The following LRRC49 variants were observed in gnomAD, a reference collection of about 807,000 sequenced individuals.
LRRC49 encodes the protein leucine rich repeat containing 49.
In LRRC49, 50 loss-of-function variants were observed where a neutral mutation model predicts 83.3. The observed-to-expected ratio is 0.60, with a 90% CI of 0.48 to 0.76. The LOEUF (loss-of-function observed/expected upper bound fraction) is 0.76, where lower values mean the gene tolerates loss of function less well. Among genes scored for constraint, LRRC49 ranks in the 30% least tolerant of loss-of-function variants. The probability of loss-of-function intolerance (pLI) is 0.00; values close to 1 mark genes in which losing one functional copy is unlikely to be tolerated. For synonymous variants in LRRC49, 286 were observed against 283.3 expected, an observed-to-expected ratio of 1.01 and a Z score of -0.10; for missense variants, 704 against 809.1, an observed-to-expected ratio of 0.87 and a Z score of 1.58.
At chr15:71,036,271 G>A (rs1418927008) in intron 14 of LRRC49, among the ~76,000 whole-genome samples, 4 of 151,782 alleles carry the variant, frequency 2.6e-5, no homozygotes, top group Non-Finnish European at 4.4e-5. Flanking sequence ...TAGCAAAAAT[G>A]TTCTCCCATT....
chr15:70,998,920 CCTAT>C (rs1187242370), intron 11 of LRRC49, among the ~76,000 whole-genome samples: 2 of 152,154 alleles, frequency 1.3e-5, no homozygotes, highest in Admixed American at 1.3e-4. Flanking sequence ...ATTTAATTGA[CCTAT>C]CTAAGTTTAC....
rs979486982 is a variant in LRRC49, at chr15:70,867,426, C to T, written c.-298-5482C>T. Among the ~76,000 whole-genome samples, 19 of 151,890 alleles carry T rather than the reference C, an allele frequency of 1.3e-4. 1 individual carries two copies. Among genetic ancestry groups the T allele is most frequent in the Admixed American group, 3.9e-4 (6 of 15,268 alleles). On this transcript the variant is annotated intron_variant, in intron 1 of 16. Transcript: ENST00000544974. ...CACCAAAGTACTGTCCAAGAGATGA[C>T]GGGAATGGCCATTTTTGGAGCAATT...
intron 1 of LRRC49, among the ~76,000 whole-genome samples, chr15:70,870,302 A>C (rs1301298181): frequency 6.6e-6 from 1 of 152,256 alleles, no homozygotes; most frequent in Non-Finnish European, 1.5e-5. Flanking sequence ...TTTGTCATAA[A>C]AATTCTGCTG....
exon 2 of LRRC49, chr15:70,873,134 C>A: frequency 7.5e-7 from 1 of 1,332,422 alleles, no homozygotes; most frequent in Non-Finnish European, 1.0e-6. Context: ...ATCCACCCGC[C>A]TTGGCCTCCC....
intron 9 of LRRC49, among the ~76,000 whole-genome samples, chr15:70,973,641 C>G (rs578106960): frequency 1.3e-5 from 2 of 152,254 alleles, no homozygotes; most frequent in East Asian, 3.9e-4. Flanking sequence ...TCTATAAGCT[C>G]TGAGTGGGGC....
intron 2 of LRRC49, among the ~76,000 whole-genome samples, chr15:70,877,813 T>G (rs1259197113): frequency 6.6e-6 from 1 of 152,250 alleles, no homozygotes; most frequent in Non-Finnish European, 1.5e-5. Context: ...CAGTTGCTAT[T>G]GCTCTCCAAC....
chr15:70,932,726 C>CTTTTTTT (rs5813614), intron 7 of LRRC49, among the ~76,000 whole-genome samples: 10 of 97,180 alleles, frequency 1.0e-4, no homozygotes, highest in East Asian at 5.7e-4. Flanking sequence ...CTTTCTCTGT[C>CTTTTTTT]TTTTTTTTTT....
chr15:71,037,507 G>T (rs2039561276), intron 15 of LRRC49, among the ~76,000 whole-genome samples, 175 bp downstream of exon 15: 1 of 151,974 alleles, frequency 6.6e-6, no homozygotes, highest in South Asian at 2.1e-4. Context: ...GGGAGAAATA[G>T]AGCCCTGAGA....
At chr15:70,924,852 T>C (rs2035138002) in intron 7 of LRRC49, among the ~76,000 whole-genome samples, 1 of 152,060 alleles carries the variant, frequency 6.6e-6, no homozygotes, top group South Asian at 2.1e-4. Context: ...GTTATTTTTT[T>C]CCCAGACGTT....
At position 70,963,904 on chromosome 15, in the gene LRRC49, T is replaced by C; in HGVS notation, c.893T>C (p.Leu298Pro). 4.3e-6 allele frequency: 7 copies of C among 1,613,386 alleles called. No homozygotes were observed. The highest frequency in any genetic ancestry group is 5.9e-6 in the Non-Finnish European group (7 of 1,179,544). Residue 298 changes from leucine to proline, a missense_variant, in exon 9 of 16, where the codon CTG (leucine) becomes CCG (proline). Transcript: ENST00000260382. The part of the protein sequence containing the change: ...KHTVLQNMMQ[L>P]RQLDMKRITE... ...ACTGTCCTTCAGAATATGATGCAGCTGCGCCAGCTAGATATGAAGAGAATC... is the reference window on the plus strand; with the variant it reads ...ACTGTCCTTCAGAATATGATGCAGCCGCGCCAGCTAGATATGAAGAGAATC...
intron 11 of LRRC49, among the ~76,000 whole-genome samples, chr15:71,004,647 TAAAAAAAA>T (rs35055682): frequency 2.5e-5 from 3 of 121,890 alleles, no homozygotes; most frequent in Non-Finnish European, 3.5e-5. Context: ...GAAACTGTGT[TAAAAAAAA>T]AAAAAAAAGA....
chr15:70,872,002 G>A (rs1448660087), intron 1 of LRRC49, among the ~76,000 whole-genome samples: 2 of 152,232 alleles, frequency 1.3e-5, no homozygotes, highest in East Asian at 3.9e-4. Context: ...ATGGCGGCCG[G>A]GCAGAGGCTG....
chr15:70,920,920 C>A (rs1596021881), intron 7 of LRRC49, among the ~76,000 whole-genome samples: 2 of 152,086 alleles, frequency 1.3e-5, no homozygotes, highest in Admixed American at 6.5e-5. Flanking sequence ...ATTCAAGGGA[C>A]TTTAAAATCT....
chr15:70,869,751 T>G (rs1201807880), intron 1 of LRRC49, among the ~76,000 whole-genome samples: 1 of 152,204 alleles, frequency 6.6e-6, no homozygotes, highest in East Asian at 1.9e-4. Context: ...AATACCCTTG[T>G]CCCTGTTATG....
At chr15:71,017,294 G>C (rs2038857341) in intron 14 of LRRC49, among the ~76,000 whole-genome samples, 1 of 151,974 alleles carries the variant, frequency 6.6e-6, no homozygotes, top group Admixed American at 6.6e-5. Context: ...CCTAAAACAA[G>C]ATACATTTTA....
At chr15:70,883,568 C>T (rs2033323854) in intron 2 of LRRC49, among the ~76,000 whole-genome samples, 1 of 151,750 alleles carries the variant, frequency 6.6e-6, no homozygotes, top group Admixed American at 6.6e-5. Flanking sequence ...ATCATTTGTT[C>T]TTTATACTTT....
At chr15:70,942,886 A>C (rs2035871955) in intron 8 of LRRC49, among the ~76,000 whole-genome samples, 1 of 152,244 alleles carries the variant, frequency 6.6e-6, no homozygotes, top group South Asian at 2.1e-4. Context: ...CCTCTGTCAG[A>C]AGCAAAAATA....
chr15:70,871,276 T>C (rs1241835426), intron 1 of LRRC49, among the ~76,000 whole-genome samples: 2 of 151,798 alleles, frequency 1.3e-5, no homozygotes, highest in Non-Finnish European at 2.9e-5. Context: ...GGGGGTAAGG[T>C]TATAGATTAA....
chr15:70,881,205 G>T (rs2033256667), intron 2 of LRRC49: 1 of 152,110 alleles, frequency 6.6e-6, no homozygotes, highest in African/African-American at 2.4e-5. Flanking sequence ...TTCCAGCCTG[G>T]GCGATAGAAC....
Sources: gnomAD v4.1 joint callset for allele counts (sites outside exome capture counted in the v4.1 genomes callset) on GRCh38, gnomAD v4.1.1 for gene constraint, MANE v1.5 for transcripts, NCBI Gene and HGNC (gene_info 2026-07-23, HGNC 2026-07-21) for gene names.